The following MITF variants were observed in gnomAD, a reference collection of about 807,000 sequenced individuals.
MITF encodes the protein melanocyte inducing transcription factor.
Under a neutral mutation model 60.5 loss-of-function variants are expected in MITF, and 17 were observed. The observed-to-expected ratio is 0.28, with a 90% CI of 0.19 to 0.42. The LOEUF is 0.42. Ranked by LOEUF, MITF falls within the 10% of genes least tolerant of loss-of-function variation. The pLI, the probability that MITF is intolerant of heterozygous loss-of-function variation, is 1.00. For synonymous variants in MITF, 260 were observed against 248.5 expected, an observed-to-expected ratio of 1.05 and a Z score of -0.43; for missense variants, 622 against 683.5, an observed-to-expected ratio of 0.91 and a Z score of 1.00.
intron 1 of MITF, among the ~76,000 whole-genome samples, chr3:69,777,212 G>T (rs557345695): frequency 6.6e-6 from 1 of 152,206 alleles, no homozygotes; most frequent in East Asian, 1.9e-4. Context: ...TATAAACTGT[G>T]TTTAAGTCAA....
chr3:69,835,015 CT>C (rs142347719), intron 1 of MITF, among the ~76,000 whole-genome samples: 11,133 of 68,376 alleles, frequency 0.16, 119 homozygotes, highest in Middle Eastern at 0.24. Context: ...GCTCTTTTAC[CT>C]TTTTTTTTTT....
chr3:69,827,140 C>G (rs2063368346), intron 1 of MITF, among the ~76,000 whole-genome samples: 1 of 152,190 alleles, frequency 6.6e-6, no homozygotes, highest in African/African-American at 2.4e-5. Context: ...CCCATCCTAT[C>G]TGAGGGGGAC....
intron 1 of MITF, among the ~76,000 whole-genome samples, chr3:69,770,963 AT>A (rs1386525968): frequency 6.6e-6 from 1 of 152,202 alleles, no homozygotes; most frequent in Non-Finnish European, 1.5e-5. Context: ...AGGTGGCCAC[AT>A]TTTGAAATGC....
At chr3:69,938,401 G>T in intron 3 of MITF, 1 of 1,553,900 alleles carries the variant, frequency 6.4e-7, no homozygotes, top group Non-Finnish European at 8.7e-7. Context: ...GGTGGAAAAG[G>T]AAAAGCAAAA....
At chr3:69,886,332 G>C (rs997867518) in intron 2 of MITF, among the ~76,000 whole-genome samples, 4 of 152,088 alleles carry the variant, frequency 2.6e-5, no homozygotes, top group African/African-American at 7.2e-5. Flanking sequence ...TAATTATAGG[G>C]TGGATTGGAT....
intron 1 of MITF, among the ~76,000 whole-genome samples, chr3:69,831,242 C>A (rs2063442595): frequency 6.6e-6 from 1 of 152,080 alleles, no homozygotes; most frequent in African/African-American, 2.4e-5. Context: ...AATTATGCTT[C>A]CCCCCCATTA....
Position 69,842,163 on chromosome 3 carries a change from T to G in MITF, c.105-36971T>G, listed in dbSNP as rs905923121. ...TTTTCAAATAAGATTTTATGTAAAA[T>G]CCAAGTATAGTCAGTTCTGCTATAA... On this transcript the variant is annotated intron_variant, in intron 1 of 9. Transcript: ENST00000352241. 2.0e-5 allele frequency among the ~76,000 whole-genome samples: 3 copies of G among 152,156 alleles called. No homozygotes were observed. The East Asian group carries it at 5.8e-4, about 29-fold the overall frequency.
At chr3:69,851,811 A>G (rs538276496) in intron 1 of MITF, among the ~76,000 whole-genome samples, 8 of 152,328 alleles carry the variant, frequency 5.3e-5, no homozygotes, top group Middle Eastern at 6.8e-3. Context: ...GTAAAAGAAT[A>G]AAAAAGGAGA....
At chr3:69,757,372 G>A (rs1340057176) in intron 1 of MITF, among the ~76,000 whole-genome samples, 1 of 152,120 alleles carries the variant, frequency 6.6e-6, no homozygotes, top group Non-Finnish European at 1.5e-5. Context: ...TATAAGAAAA[G>A]AGGAAAAATG....
chr3:69,957,889 G>T (rs2066439195), intron 8 of MITF, among the ~76,000 whole-genome samples: 1 of 152,160 alleles, frequency 6.6e-6, no homozygotes, highest in South Asian at 2.1e-4. Context: ...CCCACACCAG[G>T]TTTCTAGAAT....
Position 69,963,970 on chromosome 3 carries a change from CTT to C in MITF, c.1180-855_1180-854del, listed in dbSNP as rs56921812. On this transcript the variant is annotated intron_variant, in intron 9 of 9. Transcript: ENST00000352241. ...ACTGAATATGTTTCTTTTTTCTTTT[CTT>C]TTTTTTTTTTTTTTTTTTTTTGAGA... is the stretch of plus-strand genomic sequence containing the variant. Among the ~76,000 whole-genome samples, 6 of 86,108 alleles carry C rather than the reference CTT, an allele frequency of 7.0e-5. No homozygotes were observed. In the East Asian group the frequency reaches 1.5e-3, roughly 21 times the overall value. The allele number at this position is 86,108 out of a possible 152,430, so 56.5% of individuals were successfully genotyped here. A position where few individuals can be genotyped will look rare whatever the true frequency, so the allele number is the denominator to read the frequency against.
intron 1 of MITF, among the ~76,000 whole-genome samples, chr3:69,841,323 T>G (rs62252234): frequency 0.17 from 25,252 of 152,210 alleles, 2,215 homozygotes; most frequent in South Asian, 0.21. Flanking sequence ...GTTTACTGCT[T>G]AAAATGTTCA....
chr3:69,781,916 T>C (rs1245904481), intron 1 of MITF, among the ~76,000 whole-genome samples: 3 of 152,240 alleles, frequency 2.0e-5, no homozygotes, highest in Non-Finnish European at 2.9e-5. Flanking sequence ...GCTCTGTTCC[T>C]GAAGGATCCA....
chr3:69,888,035 C>T (rs1280564593), intron 2 of MITF, among the ~76,000 whole-genome samples: 1 of 152,006 alleles, frequency 6.6e-6, no homozygotes, highest in Non-Finnish European at 1.5e-5. Flanking sequence ...AAAAGGATTT[C>T]AATCACCCGG....
chr3:69,941,015 A>T (rs776841628), intron 4 of MITF, among the ~76,000 whole-genome samples: 1 of 152,198 alleles, frequency 6.6e-6, no homozygotes, highest in Non-Finnish European at 1.5e-5. Context: ...CACTCATTAA[A>T]TGCTGGCTAC....
At chr3:69,816,711 T>C (rs2063187665) in intron 1 of MITF, among the ~76,000 whole-genome samples, 1 of 152,198 alleles carries the variant, frequency 6.6e-6, no homozygotes, top group South Asian at 2.1e-4. Context: ...TAGTACCTAA[T>C]TCATAGGGGT....
At chr3:69,739,819 C>G (rs1470036877) in intron 1 of MITF, 118 bp downstream of exon 1, 1 of 752,326 alleles carries the variant, frequency 1.3e-6, no homozygotes, top group Non-Finnish European at 2.3e-6. Context: ...GTGCCCTTGC[C>G]CCGGAGCAGA....
At chr3:69,951,671 A>G (rs2066258325) in intron 6 of MITF, 141 bp from the exon 7 acceptor site, 2 of 668,950 alleles carry the variant, frequency 3.0e-6, no homozygotes, top group African/African-American at 1.8e-5. Context: ...TTAAAAAGAT[A>G]TCATTTTTAA....
At chr3:69,814,613 C>A (rs190958827) in intron 1 of MITF, among the ~76,000 whole-genome samples, 174 of 152,196 alleles carry the variant, frequency 1.1e-3, no homozygotes, top group Non-Finnish European at 8.7e-4. Flanking sequence ...AACCAGTGTG[C>A]CCGGCCCCAT....
Sources: gnomAD v4.1 joint callset for allele counts (sites outside exome capture counted in the v4.1 genomes callset) on GRCh38, gnomAD v4.1.1 for gene constraint, MANE v1.5 for transcripts, NCBI Gene and HGNC (gene_info 2026-07-23, HGNC 2026-07-21) for gene names.